ANKS1B: variants seen among roughly 807,000 people sequenced by gnomAD.
ANKS1B encodes the protein ankyrin repeat and sterile alpha motif domain-containing protein 1B.
In ANKS1B, 36 loss-of-function variants were observed where a neutral mutation model predicts 148.3. The observed-to-expected ratio is 0.24, with a 90% CI of 0.19 to 0.32. The LOEUF is 0.32. Ranked by LOEUF, ANKS1B falls within the 10% of genes least tolerant of loss-of-function variation. ANKS1B has a pLI of 1.00. For missense variants in ANKS1B, 1,157 were observed against 1,542.6 expected (o/e 0.75, Z 4.19); for synonymous variants, 542 against 560.8 (o/e 0.97, Z 0.47).
chr12:99,661,262 C>T (rs1375635538), intron 8 of ANKS1B, among the ~76,000 whole-genome samples: 2 of 152,014 alleles, frequency 1.3e-5, no homozygotes, highest in East Asian at 3.9e-4. Flanking sequence ...TACTGAAGCT[C>T]CAGAGGAAGG....
chr12:98,881,711 G>A (rs1325685917), intron 17 of ANKS1B, among the ~76,000 whole-genome samples: 3 of 151,874 alleles, frequency 2.0e-5, no homozygotes, highest in South Asian at 2.1e-4. Flanking sequence ...TAGACTAATC[G>A]CAGCCATTCT....
chr12:98,892,686 A>G (rs986855433), intron 17 of ANKS1B, among the ~76,000 whole-genome samples: 5 of 152,258 alleles, frequency 3.3e-5, no homozygotes, highest in Admixed American at 6.5e-5. Context: ...ATGCAGTTTT[A>G]TTTTTAAAAA....
chr12:99,932,778 C>T (rs543868194), intron 1 of ANKS1B, among the ~76,000 whole-genome samples: 1 of 152,038 alleles, frequency 6.6e-6, no homozygotes, highest in South Asian at 2.1e-4. Context: ...TTGATGTGAT[C>T]CCATTTGTCC....
chr12:99,321,171 C>T (rs1444375644), intron 12 of ANKS1B, among the ~76,000 whole-genome samples: 1 of 152,196 alleles, frequency 6.6e-6, no homozygotes, highest in Non-Finnish European at 1.5e-5. Context: ...CTTGAGGAGG[C>T]AGTCTGTCCT....
chr12:99,371,304 G>A (rs1048432356), intron 12 of ANKS1B, among the ~76,000 whole-genome samples: 9 of 151,980 alleles, frequency 5.9e-5, no homozygotes, highest in African/African-American at 1.4e-4. Context: ...TACACATGCC[G>A]CACCAGATTA....
At chr12:98,791,702 T>A (rs140666012) in intron 22 of ANKS1B, among the ~76,000 whole-genome samples, 102 of 152,274 alleles carry the variant, frequency 6.7e-4, no homozygotes, top group African/African-American at 2.3e-3. Flanking sequence ...GGAGTACAAG[T>A]GCATGTTACT....
chr12:99,919,779 T>TTAAAA (rs371345120), intron 1 of ANKS1B, among the ~76,000 whole-genome samples: 1 of 134,492 alleles, frequency 7.4e-6, no homozygotes, highest in African/African-American at 2.7e-5. Context: ...GCTGCAGAGT[T>TTAAAA]AAAAAAAAAA....
chr12:98,851,556 T>A (rs1374748046), intron 17 of ANKS1B, among the ~76,000 whole-genome samples: 2 of 152,158 alleles, frequency 1.3e-5, no homozygotes, highest in Non-Finnish European at 2.9e-5. Context: ...GTAGCAGGAC[T>A]GGGGGATATG....
chr12:99,952,091 G>T (rs2095235494), intron 1 of ANKS1B, among the ~76,000 whole-genome samples: 1 of 152,068 alleles, frequency 6.6e-6, no homozygotes, highest in Non-Finnish European at 1.5e-5. Flanking sequence ...AACAGTAGAA[G>T]AAAAAATGTG....
intron 1 of ANKS1B, among the ~76,000 whole-genome samples, chr12:99,921,601 C>CA (rs935511571): frequency 6.6e-6 from 1 of 151,988 alleles, no homozygotes; most frequent in Non-Finnish European, 1.5e-5. Flanking sequence ...ACACTCCCCC[C>CA]AAAAAATCTA....
intron 17 of ANKS1B, among the ~76,000 whole-genome samples, chr12:98,958,122 T>C (rs988005784): frequency 1.3e-5 from 2 of 152,238 alleles, no homozygotes; most frequent in Admixed American, 6.5e-5. Flanking sequence ...GTCACTTTAA[T>C]TGCAATCTCT....
intron 17 of ANKS1B, among the ~76,000 whole-genome samples, chr12:98,862,284 C>T (rs998292319): frequency 1.3e-5 from 2 of 152,110 alleles, no homozygotes; most frequent in Admixed American, 6.6e-5. Flanking sequence ...ACTTCTCAGC[C>T]ATGTATTGCG....
intron 1 of ANKS1B, among the ~76,000 whole-genome samples, chr12:99,876,912 T>C (rs1055538238): frequency 1.3e-5 from 2 of 152,212 alleles, no homozygotes; most frequent in African/African-American, 4.8e-5. Context: ...ACAGCAGTCC[T>C]GTGGCCACCC....
At chr12:99,664,100 T>C (rs1027278124) in intron 8 of ANKS1B, among the ~76,000 whole-genome samples, 1 of 151,884 alleles carries the variant, frequency 6.6e-6, no homozygotes, top group African/African-American at 2.4e-5. Flanking sequence ...TTATGCACAA[T>C]ACGCAGAAGC....
intron 17 of ANKS1B, among the ~76,000 whole-genome samples, chr12:98,941,836 T>C (rs902862399): frequency 7.2e-5 from 11 of 152,268 alleles, no homozygotes; most frequent in Admixed American, 1.3e-4. Flanking sequence ...AGAATATATA[T>C]AGAGAAAGGG....
At chr12:99,005,735 C>A (rs11109699) in intron 17 of ANKS1B, among the ~76,000 whole-genome samples, 40,038 of 152,054 alleles carry the variant, frequency 0.26, 5,727 homozygotes, top group African/African-American at 0.38. Context: ...TGGGCTTTCT[C>A]AGTTATAAGA....
In ANKS1B at chr12:98,745,733, C is replaced by T. The variant is rs762875892; in HGVS notation, c.*6G>A. 3 of 1,612,862 alleles carry T rather than the reference C, an allele frequency of 1.9e-6. No individual in the cohort carries two copies. Among genetic ancestry groups the T allele is most frequent in the Non-Finnish European group, 1.7e-6 (2 of 1,179,396 alleles). ...AGGCACCGCGAGGACAGGAGGACGG[C>T]GAGTATCAGAAAATCGTGGTTTCAT... On this transcript the variant is annotated 3_prime_UTR_variant, in exon 27 of 27. Transcript: ENST00000683438.
At chr12:98,767,190 T>C (rs2098495087) in intron 25 of ANKS1B, among the ~76,000 whole-genome samples, 1 of 152,114 alleles carries the variant, frequency 6.6e-6, no homozygotes, top group Non-Finnish European at 1.5e-5. Flanking sequence ...AAGTTGGAAG[T>C]GGTGTAGGTA....
At chr12:99,263,178 G>A (rs2076100742) in intron 12 of ANKS1B, among the ~76,000 whole-genome samples, 1 of 151,974 alleles carries the variant, frequency 6.6e-6, no homozygotes, top group African/African-American at 2.4e-5. Flanking sequence ...TAGTGGAGAA[G>A]CACATGAACA....
Sources: allele counts gnomAD v4.1 joint callset (sites outside exome capture counted in the v4.1 genomes callset), GRCh38; gene constraint gnomAD v4.1.1; transcripts MANE v1.5; gene names NCBI Gene and HGNC (gene_info 2026-07-23, HGNC 2026-07-21).